Variants in MAP3K2 observed in about 807,000 individuals in gnomAD.
MAP3K2 encodes mitogen-activated protein kinase kinase kinase 2, also known as MAP/ERK kinase kinase 2.
A neutral mutation model predicts 80.3 loss-of-function variants in MAP3K2; 24 were observed. The observed-to-expected ratio is 0.30, with a 90% CI of 0.22 to 0.42. The LOEUF is 0.42. Among genes scored for constraint, MAP3K2 ranks in the 10% least tolerant of loss-of-function variants. The probability of loss-of-function intolerance (pLI) is 1.00; values close to 1 mark genes in which losing one functional copy is unlikely to be tolerated. For missense variants in MAP3K2, 608 were observed against 750.1 expected (o/e 0.81, Z 2.21); for synonymous variants, 244 against 253.7 (o/e 0.96, Z 0.36).
chr2:127,356,172 T>C (rs1046256920), intron 1 of MAP3K2, among the ~76,000 whole-genome samples: 1 of 152,086 alleles, frequency 6.6e-6, no homozygotes, highest in Non-Finnish European at 1.5e-5. Context: ...TCTTTCAAAC[T>C]CCTGTTAATG....
In MAP3K2 at chr2:127,321,891, C is replaced by A. The variant is rs1686027109; in HGVS notation, c.1045+155G>T. On this transcript the variant is annotated intron_variant, in intron 12 of 16. Coordinates refer to ENST00000682094, the MANE Select transcript of MAP3K2 (RefSeq NM_001371910.2). This position sits in a 1 kb window ranked among gnomAD's most constrained non-coding sequence, Gnocchi z 4.4. ...AATTAGCAGTGATACCATGCTTATA[C>A]CTGACATTCCAACCACCTTTAGAAA... Among the ~76,000 whole-genome samples the A allele has an allele frequency of 6.6e-6, 1 of 152,168 alleles. No individual in the cohort carries two copies. The highest frequency in any genetic ancestry group is 2.1e-4 in the South Asian group (1 of 4,830).
chr2:127,319,913 A>AATT (rs892887960), intron 12 of MAP3K2, among the ~76,000 whole-genome samples: 3 of 151,974 alleles, frequency 2.0e-5, no homozygotes, highest in African/African-American at 7.2e-5. Flanking sequence ...AGCACAAGGT[A>AATT]ATTAGAAGAA....
In MAP3K2 at chr2:127,337,793, C is replaced by A; in HGVS notation, c.124-15G>T. On this transcript the variant is annotated splice_polypyrimidine_tract_variant and intron_variant, in intron 3 of 16. Transcript: ENST00000682094. Reference sequence around the variant, plus strand: ...CGGACATCATTCTGTAATGAAATGACAAATCAGTCTTTCAGAGATTAGACA... The same window carrying A: ...CGGACATCATTCTGTAATGAAATGAAAAATCAGTCTTTCAGAGATTAGACA... The A allele has an allele frequency of 1.3e-6, 2 of 1,484,918 alleles. No homozygotes were observed. The highest frequency in any genetic ancestry group is 2.5e-5 in the South Asian group (2 of 80,444). The allele number at this position is 1,484,918 out of a possible 1,614,324, so 92.0% of individuals were successfully genotyped here.
intron 1 of MAP3K2, among the ~76,000 whole-genome samples, chr2:127,379,089 T>A (rs2104900427): frequency 6.6e-6 from 1 of 150,784 alleles, no homozygotes; most frequent in East Asian, 1.9e-4. Flanking sequence ...CCCAAAGGGT[T>A]GGGATTACAG....
chr2:127,352,747 G>C (rs547948543), intron 1 of MAP3K2, among the ~76,000 whole-genome samples: 5 of 146,626 alleles, frequency 3.4e-5, no homozygotes, highest in Admixed American at 6.8e-5. Flanking sequence ...CTCTGATGCC[G>C]AGCCGAAGCT....
chr2:127,362,718 G>A (rs1011348555), intron 1 of MAP3K2, among the ~76,000 whole-genome samples: 7 of 152,196 alleles, frequency 4.6e-5, no homozygotes, highest in African/African-American at 1.7e-4. Flanking sequence ...ACGGCTGTCA[G>A]TGCCACGGTT....
rs10558890 is a variant in MAP3K2, at chr2:127,365,116, C to CAAAAAAAAA, written c.-65-21931_-65-21923dup. 4.0e-3 allele frequency among the ~76,000 whole-genome samples: 128 copies of CAAAAAAAAA among 31,654 alleles called. 39 individuals are homozygous for CAAAAAAAAA. The highest frequency in any genetic ancestry group is 6.6e-3 in the Non-Finnish European group (113 of 17,144). The allele number at this position is 31,654 out of a possible 152,430, so 20.8% of individuals were successfully genotyped here. ...TGGGCGACAGAGTGAGACTCTGCCTCAAAAAAAAAAAAAAAAAAAAAAAAA... is the reference window on the plus strand; with the variant it reads ...TGGGCGACAGAGTGAGACTCTGCCTCAAAAAAAAAAAAAAAAAAAAAAAAAAAAAAAAAA... On this transcript the variant is annotated intron_variant, in intron 1 of 16. Coordinates refer to ENST00000682094, the MANE Select transcript of MAP3K2 (RefSeq NM_001371910.2).
chr2:127,331,659 GAGTAC>G (rs1400350233), intron 5 of MAP3K2, among the ~76,000 whole-genome samples: 12 of 152,236 alleles, frequency 7.9e-5, no homozygotes, highest in Non-Finnish European at 1.6e-4. Context: ...ATTCAGGCTG[GAGTAC>G]AGTGGCAATC....
Position 127,364,488 on chromosome 2 carries a change from A to G in MAP3K2, c.-65-21294T>C, listed in dbSNP as rs1686938866. 6.6e-6 allele frequency among the ~76,000 whole-genome samples: 1 copy of G among 152,148 alleles called. No individual in the cohort carries two copies. The highest frequency in any genetic ancestry group is 2.1e-4 in the South Asian group (1 of 4,832). Reference sequence around the variant, plus strand: ...GTCATCTTACCATGTATAAACGATAATGGAAAAGAATTATCGTCTGTGGAC... The same window carrying G: ...GTCATCTTACCATGTATAAACGATAGTGGAAAAGAATTATCGTCTGTGGAC... On this transcript the variant is annotated intron_variant, in intron 1 of 16. Coordinates refer to ENST00000682094, the MANE Select transcript of MAP3K2 (RefSeq NM_001371910.2). This position sits in a 1 kb window ranked among gnomAD's most constrained non-coding sequence, Gnocchi z 4.1.
chr2:127,350,170 C>A (rs1236623102), intron 1 of MAP3K2, among the ~76,000 whole-genome samples: 2 of 151,898 alleles, frequency 1.3e-5, no homozygotes, highest in Admixed American at 1.3e-4. Context: ...TCTCACTGAA[C>A]CAGAAAGAAA....
At chr2:127,319,390 T>C (rs867802633) in intron 12 of MAP3K2, among the ~76,000 whole-genome samples, 91 of 152,022 alleles carry the variant, frequency 6.0e-4, no homozygotes, top group African/African-American at 2.1e-3. Context: ...TGAAGCTGGA[T>C]AGGACAACAC....
rs756122439 is a variant in MAP3K2, at chr2:127,317,669, T to G, written c.1286A>C (p.Gln429Pro). 1.3e-6 allele frequency: 2 copies of G among 1,588,690 alleles called. No homozygotes were observed. Among genetic ancestry groups the G allele is most frequent in the Non-Finnish European group, 1.7e-6 (2 of 1,166,122 alleles). ...VQYYGCLRDP[Q>P]EKTLSIFMEY... ...CATAAATATGGAAAGTGTTTTTTCC[T>G]GGGGATCCCTCAAACAGCCATAATA... Residue 429 changes from glutamine (Q) to proline (P), a missense_variant, in exon 14 of 17, where the codon CAG becomes CCG. Physicochemically the swap from Gln to Pro is moderately conservative, Grantham distance 76. Coordinates refer to ENST00000682094, the MANE Select transcript of MAP3K2 (RefSeq NM_001371910.2).
intron 1 of MAP3K2, among the ~76,000 whole-genome samples, chr2:127,350,889 T>C (rs2104859364): frequency 6.6e-6 from 1 of 152,106 alleles, no homozygotes; most frequent in East Asian, 1.9e-4. Flanking sequence ...ACTTCAATTT[T>C]TAAAAATTAA....
intron 7 of MAP3K2, 113 bp downstream of exon 7, chr2:127,329,808 T>A (rs1686215905): frequency 1.6e-6 from 1 of 641,592 alleles, no homozygotes; most frequent in Non-Finnish European, 2.7e-6. Context: ...TTATAGGAAG[T>A]AGAGAAATAA....
chr2:127,369,113 A>AT (rs112538207), intron 1 of MAP3K2, among the ~76,000 whole-genome samples: 4 of 147,526 alleles, frequency 2.7e-5, no homozygotes, highest in African/African-American at 1.0e-4. Flanking sequence ...ACGCCCAGCT[A>AT]TTTTTTTTTT....
At chr2:127,388,081 T>G (rs1256408672), upstream of MAP3K2, 6 of 981,702 alleles carry the variant, frequency 6.1e-6, no homozygotes, top group Middle Eastern at 5.2e-4. Flanking sequence ...CCCAGGGGAG[T>G]GGGTCGGCGC....
rs1216353089 is a variant in MAP3K2, at chr2:127,303,251, T to C, written c.*4328A>G. On this transcript the variant is annotated 3_prime_UTR_variant, in exon 17 of 17. Coordinates refer to ENST00000682094, the MANE Select transcript of MAP3K2 (RefSeq NM_001371910.2). The stretch of plus-strand genomic sequence containing the variant: ...AAATAACACTGTTGACAGAGTTCAA[T>C]TTCTATCAAATGTTTTGGGTATTTT... 1 of 151,908 alleles carries C rather than the reference T, an allele frequency of 6.6e-6. No individual in the cohort carries two copies. Among genetic ancestry groups the C allele is most frequent in the Non-Finnish European group, 1.5e-5 (1 of 67,970 alleles). 9.4% of individuals were successfully genotyped at this position (151,908 alleles called of 1,614,324 possible). A position where few individuals can be genotyped will look rare whatever the true frequency, so the allele number is the denominator to read the frequency against.
chr2:127,371,533 T>C (rs1687064556), intron 1 of MAP3K2, among the ~76,000 whole-genome samples: 1 of 152,234 alleles, frequency 6.6e-6, no homozygotes, highest in Non-Finnish European at 1.5e-5. Flanking sequence ...CCAGGACTGA[T>C]ATCTTGTTAC....
intron 1 of MAP3K2, among the ~76,000 whole-genome samples, chr2:127,350,454 C>CAAAAAAAA (rs752516255): frequency 0.034 from 3,300 of 97,928 alleles, 2 homozygotes; most frequent in East Asian, 0.053. Context: ...AAAACAAAAA[C>CAAAAAAAA]AAAAAAAAAA....
Sources: allele counts gnomAD v4.1 joint callset (sites outside exome capture counted in the v4.1 genomes callset), GRCh38; gene constraint gnomAD v4.1.1; non-coding constraint Gnocchi (gnomAD v3.1); transcripts MANE v1.5; gene names NCBI Gene and HGNC (gene_info 2026-07-23, HGNC 2026-07-21).